Variants in COL5A3 observed in about 807,000 individuals in gnomAD.
COL5A3 encodes collagen type V alpha 3 chain.
A neutral mutation model predicts 250.0 loss-of-function variants in COL5A3; 172 were observed. The observed-to-expected ratio is 0.69, with a 90% CI of 0.61 to 0.78. COL5A3 has a LOEUF of 0.78. Ranked by LOEUF, COL5A3 falls within the 30% of genes least tolerant of loss-of-function variation. COL5A3 has a pLI of 0.00. For synonymous variants in COL5A3, 937 were observed against 900.4 expected (o/e 1.04, Z -0.73); for missense variants, 2,340 against 2,334.4 (o/e 1.00, Z -0.05).
chr19:9,981,005 C>T (rs780962427), intron 33 of COL5A3, 83 bp downstream of exon 33: 68 of 1,538,498 alleles, frequency 4.4e-5, no homozygotes, highest in Non-Finnish European at 5.9e-5. Flanking sequence ...TTTCCCTGCC[C>T]ACAGATGACC....
chr19:9,960,506 C>T lies in COL5A3; in HGVS notation c.5143G>A (p.Gly1715Arg). 1 of 1,614,194 alleles carries T rather than the reference C, an allele frequency of 6.2e-7. No individual in the cohort carries two copies. Among genetic ancestry groups the T allele is most frequent in the Non-Finnish European group, 8.5e-7 (1 of 1,180,038 alleles). The change falls in exon 67 of 67, where the codon GGA (glycine) becomes AGA (arginine). Residue 1715 changes from glycine to arginine, a missense_variant. Transcript: ENST00000264828. ...GCCACATCCCACAGGGGCAGAAATC[C>T]CGCTCGAGAAGAGCTGAATTCGAAA... ...TLFEFSSSRA[G>R]FLPLWDVAAT...
rs62638751 is a variant in COL5A3 at position 9,973,795 on chromosome 19, C to A, written c.3573G>T (p.Leu1191=). ...CGCCTGGCTGACCAACTCCTCCAGG[C>A]AGCCCTGGAGTGCCCTGGAGAGACA... The part of the protein sequence containing the change: ...GPTGSEGTPG[L]PGGVGQPGAV... Residue 1191 remains leucine, a synonymous_variant, in exon 49 of 67, where the codon CTG becomes CTT. Transcript: ENST00000264828. The A allele has an allele frequency of 2.3e-3, 3,787 of 1,614,016 alleles. 75 individuals are homozygous for A. In the African/African-American group the frequency reaches 0.042, roughly 18 times the overall value.
In COL5A3 at chr19:9,997,087, CAG is replaced by C. The variant is rs968760429; in HGVS notation, c.1263+282_1263+283del. On this transcript the variant is annotated intron_variant, in intron 11 of 66. Coordinates refer to ENST00000264828, the MANE Select transcript of COL5A3 (RefSeq NM_015719.4). ...AGGGACAGAGACCAACAGAGAGAGA[CAG>C]AAGAGAGACAGAGACAGAGTCACAA... The C allele has an allele frequency of 5.4e-6, 3 of 556,460 alleles. No homozygotes were observed. The African/African-American group carries it at 5.8e-5, about 11-fold the overall frequency. The allele number at this position is 556,460 out of a possible 1,614,324, so 34.5% of individuals were successfully genotyped here. A position where few individuals can be genotyped will look rare whatever the true frequency, so the allele number is the denominator to read the frequency against.
chr19:9,999,976 C>T (rs935616472), intron 8 of COL5A3, among the ~76,000 whole-genome samples: 2 of 151,916 alleles, frequency 1.3e-5, no homozygotes, highest in African/African-American at 4.8e-5. Context: ...CAGGCTTGTC[C>T]CAAACTCTTG....
chr19:9,970,003 G>T, intron 54 of COL5A3, 81 bp from the exon 55 acceptor site: 4 of 1,047,944 alleles, frequency 3.8e-6, no homozygotes, highest in Non-Finnish European at 5.8e-6. Flanking sequence ...TGACTGGGGG[G>T]TTATGGATGA....
intron 45 of COL5A3, among the ~76,000 whole-genome samples, chr19:9,975,021 C>A (rs1378880717): frequency 6.6e-6 from 1 of 151,278 alleles, no homozygotes; most frequent in Non-Finnish European, 1.5e-5. Flanking sequence ...CTTCAGTCTC[C>A]TGAATAGCTG....
Position 9,978,623 on chromosome 19 carries a change from G to A in COL5A3, c.2969C>T (p.Pro990Leu), listed in dbSNP as rs768706478. The A allele has an allele frequency of 6.4e-7, 1 of 1,561,094 alleles. No individual in the cohort carries two copies. The highest frequency in any genetic ancestry group is 1.2e-5 in the South Asian group (1 of 84,650). Residue 990 changes from proline (P) to leucine (L), a missense_variant, in exon 41 of 67, where the codon CCT (proline) becomes CTT (leucine). Physicochemically the swap from Pro to Leu is moderately conservative, Grantham distance 98. Around this residue, in one of 3 missense-constraint regions of COL5A3, gnomAD observed 1,179 missense variants for 1,162.6 expected, o/e 1.01. Transcript: ENST00000264828. ...GPKGGPGDPGPTGLKGDKGPP... is the reference protein window; with the variant it reads ...GPKGGPGDPGLTGLKGDKGPP... Reference sequence around the variant, plus strand: ...GCCCTTATCACCCTTTAAGCCAGTAGGTCCCTGAAGGAGGAGATAATTCAC... The same window carrying A: ...GCCCTTATCACCCTTTAAGCCAGTAAGTCCCTGAAGGAGGAGATAATTCAC...
In COL5A3 at chr19:10,009,636, G is replaced by T. The variant is rs2145153756; in HGVS notation, c.88+662C>A. ...TGGGGGAGGGGGCAACAGGGAGGGA[G>T]GGGAGGAGATGGGCGCTCGCCAATT... On this transcript the variant is annotated intron_variant, in intron 1 of 66. Transcript: ENST00000264828. This position sits in a 1 kb window ranked among gnomAD's most constrained non-coding sequence, Gnocchi z 4.4. Among the ~76,000 whole-genome samples, 1 of 152,260 alleles carries T rather than the reference G, an allele frequency of 6.6e-6. No homozygotes were observed. The highest frequency in any genetic ancestry group is 2.1e-4 in the South Asian group (1 of 4,828).
chr19:10,001,037 C>T (rs947573690), intron 8 of COL5A3, among the ~76,000 whole-genome samples: 9 of 152,064 alleles, frequency 5.9e-5, no homozygotes, highest in African/African-American at 2.2e-4. Context: ...TACAACAAAA[C>T]CCCATGACAC....
At chr19:9,980,898 G>A (rs780994746) in intron 33 of COL5A3, 39 bp from the exon 34 acceptor site, 4 of 1,585,400 alleles carry the variant, frequency 2.5e-6, no homozygotes, top group South Asian at 2.3e-5. Context: ...ATATGAGGGG[G>A]TGGGGGAGCC....
In COL5A3 at chr19:9,966,435, G is replaced by C. The variant is rs780810469; in HGVS notation, c.4670-9C>G. ...GTCAATCCAGTATTCCCCTGCCGCA[G>C]AGCCAGGCAGGGTGGGTGAGTCCGG... is the stretch of plus-strand genomic sequence containing the variant. On this transcript the variant is annotated splice_polypyrimidine_tract_variant and intron_variant, in intron 63 of 66. Coordinates refer to ENST00000264828, the MANE Select transcript of COL5A3 (RefSeq NM_015719.4). 2 of 1,587,868 alleles carry C rather than the reference G, an allele frequency of 1.3e-6. No individual in the cohort carries two copies. The highest frequency in any genetic ancestry group is 2.3e-5 in the South Asian group (2 of 87,448).
Position 9,979,185 on chromosome 19 carries a change from CA to C in COL5A3, c.2820del (p.Gly941AspfsTer53), listed in dbSNP as rs2086968341. The C allele has an allele frequency of 1.2e-6, 2 of 1,603,284 alleles. No individual in the cohort carries two copies. Among genetic ancestry groups the C allele is most frequent in the Non-Finnish European group, 1.7e-6 (2 of 1,177,078 alleles). On this transcript the variant is annotated frameshift_variant, in exon 39 of 67. Transcript: ENST00000264828. LOFTEE classifies it high-confidence loss of function. ...GGAAGACCTTGTTCACCAGGAGGTCCAGGGGGGCCTGGAGGCCCCCTTTCAC... is the reference window on the plus strand; with the variant it reads ...GGAAGACCTTGTTCACCAGGAGGTCCGGGGGGCCTGGAGGCCCCCTTTCAC... ...PLGERGPPGP[P>X]GPPGEQGLPG...
intron 16 of COL5A3, 144 bp downstream of exon 16, chr19:9,995,420 A>C: frequency 1.7e-6 from 1 of 589,602 alleles, no homozygotes; most frequent in Non-Finnish European, 2.8e-6. Context: ...CCTTTGACAC[A>C]CACTCAGTGG....
chr19:9,976,406 T>C, intron 45 of COL5A3, 152 bp downstream of exon 45: 1 of 581,102 alleles, frequency 1.7e-6, no homozygotes, highest in Non-Finnish European at 3.0e-6. Flanking sequence ...ACTCCGATTC[T>C]TGGATTGAGT....
intron 41 of COL5A3, 45 bp downstream of exon 41, chr19:9,978,529 G>A (rs368031512): frequency 8.5e-4 from 1,122 of 1,323,084 alleles, no homozygotes; most frequent in Non-Finnish European, 1.1e-3. Flanking sequence ...GACACCTTGA[G>A]TCCCCTCCAC....
chr19:9,973,515 A>T lies in COL5A3; in HGVS notation c.3666+55T>A. The T allele has an allele frequency of 1.9e-6, 3 of 1,556,520 alleles. No homozygotes were observed. In the East Asian group the frequency reaches 6.7e-5, roughly 35 times the overall value. ...GAGGTCAAAGTGGCCCAAGATGCCC[A>T]GGGGTCAGGGGTTCCCTGAGTTGGG... is the stretch of plus-strand genomic sequence containing the variant. On this transcript the variant is annotated intron_variant, in intron 50 of 66. Transcript: ENST00000264828.
intron 16 of COL5A3, 138 bp downstream of exon 16, chr19:9,995,426 A>G (rs140150161): frequency 1.6e-6 from 1 of 628,902 alleles, no homozygotes; most frequent in Non-Finnish European, 2.6e-6. Context: ...ACACACACTC[A>G]GTGGAGCTGC....
chr19:10,002,017 C>A, intron 6 of COL5A3, 136 bp from the exon 7 acceptor site: 1 of 624,120 alleles, frequency 1.6e-6, no homozygotes, highest in Non-Finnish European at 2.9e-6. Context: ...GCACCAGAGG[C>A]CAATGGAGAC....
At position 9,998,232 on chromosome 19, in the gene COL5A3, GCACACA is replaced by G. The variant is rs143525824; in HGVS notation, c.1111-89_1111-84del. 2,029 of 1,014,270 alleles carry G rather than the reference GCACACA, an allele frequency of 2.0e-3. 20 individuals are homozygous for G. In the South Asian group the frequency reaches 0.027, roughly 13 times the overall value. 62.8% of individuals were successfully genotyped at this position (1,014,270 alleles called of 1,614,324 possible). A position where few individuals can be genotyped will look rare whatever the true frequency, so the allele number is the denominator to read the frequency against. ...TTCAGTTATCTGATCACACACACTT[GCACACA>G]CACACACACACACACACACGGAGTC... On this transcript the variant is annotated intron_variant, in intron 8 of 66. Coordinates refer to ENST00000264828, the MANE Select transcript of COL5A3 (RefSeq NM_015719.4).
Sources: allele counts gnomAD v4.1 joint callset (sites outside exome capture counted in the v4.1 genomes callset), GRCh38; gene constraint gnomAD v4.1.1; regional missense constraint gnomAD v4.1.1; non-coding constraint Gnocchi (gnomAD v3.1); transcripts MANE v1.5; gene names NCBI Gene and HGNC (gene_info 2026-07-23, HGNC 2026-07-21).